IQCJ: variants seen among roughly 807,000 people sequenced by gnomAD.
IQCJ encodes IQ domain-containing protein J.
IQCJ carries 9 observed loss-of-function variants against 11.0 expected under a neutral mutation model. The observed-to-expected ratio is 0.82, with a 90% CI of 0.49 to 1.43. The LOEUF (loss-of-function observed/expected upper bound fraction) is 1.43, where lower values mean the gene tolerates loss of function less well. Ranked by LOEUF, IQCJ falls within the 40% of genes most tolerant of loss-of-function variation. The probability of loss-of-function intolerance (pLI) is 0.00; values close to 1 mark genes in which losing one functional copy is unlikely to be tolerated. For synonymous variants in IQCJ, 55 were observed against 51.3 expected, an observed-to-expected ratio of 1.07 and a Z score of -0.31; for missense variants, 146 against 133.2, an observed-to-expected ratio of 1.10 and a Z score of -0.47.
At chr3:159,092,733 A>G (rs1717415800) in intron 1 of IQCJ, among the ~76,000 whole-genome samples, 3 of 80,476 alleles carry the variant, frequency 3.7e-5, no homozygotes, top group South Asian at 9.0e-4. Flanking sequence ...CACACACACC[A>G]TTTAGAAACA....
chr3:159,217,083 A>C (rs890576697), intron 1 of IQCJ, among the ~76,000 whole-genome samples: 2 of 152,156 alleles, frequency 1.3e-5, no homozygotes, highest in Non-Finnish European at 2.9e-5. Flanking sequence ...AGTCAGTCTT[A>C]TCCCTGGCTG....
intron 1 of IQCJ, chr3:159,070,221 A>G (rs1483205910): frequency 6.5e-6 from 1 of 152,696 alleles, no homozygotes; most frequent in Non-Finnish European, 1.5e-5. Flanking sequence ...CTAGTAAAGC[A>G]GCGTGAGAGT....
At chr3:159,090,702 G>C (rs1366425411) in intron 1 of IQCJ, among the ~76,000 whole-genome samples, 1 of 151,810 alleles carries the variant, frequency 6.6e-6, no homozygotes, top group Non-Finnish European at 1.5e-5. Context: ...GCGTACAGCG[G>C]CCTCTCTTTC....
At chr3:159,177,157 T>C (rs1560014412) in intron 1 of IQCJ, among the ~76,000 whole-genome samples, 1 of 152,226 alleles carries the variant, frequency 6.6e-6, no homozygotes. Context: ...AAAGAATTAA[T>C]AGTTGAGCAA....
At chr3:159,186,064 A>T (rs1287086312) in intron 1 of IQCJ, among the ~76,000 whole-genome samples, 1 of 152,230 alleles carries the variant, frequency 6.6e-6, no homozygotes, top group Non-Finnish European at 1.5e-5. Context: ...CTGACAGGGC[A>T]GGGCGATAGG....
intron 1 of IQCJ, among the ~76,000 whole-genome samples, chr3:159,134,081 T>C (rs1720150890): frequency 6.6e-6 from 1 of 151,996 alleles, no homozygotes; most frequent in African/African-American, 2.4e-5. Context: ...CTTTGCTAGG[T>C]CACAGCTAGA....
At chr3:159,155,795 AAAAG>A (rs1721486452) in intron 1 of IQCJ, among the ~76,000 whole-genome samples, 1 of 152,218 alleles carries the variant, frequency 6.6e-6, no homozygotes, top group South Asian at 2.1e-4. Flanking sequence ...ATTCTAGAAA[AAAAG>A]GTAATATTTT....
At chr3:159,167,805 T>C (rs962400707) in intron 1 of IQCJ, among the ~76,000 whole-genome samples, 1 of 152,198 alleles carries the variant, frequency 6.6e-6, no homozygotes, top group Non-Finnish European at 1.5e-5. Context: ...TTTGTCTATA[T>C]CTAAGGTTGC....
chr3:159,186,928 C>T (rs1723403896), intron 1 of IQCJ, among the ~76,000 whole-genome samples: 1 of 152,096 alleles, frequency 6.6e-6, no homozygotes, highest in African/African-American at 2.4e-5. Context: ...AAACAAGCCT[C>T]GAGGTGAGGG....
intron 3 of IQCJ, among the ~76,000 whole-genome samples, chr3:159,253,934 G>C (rs1054792496): frequency 6.6e-6 from 1 of 152,184 alleles, no homozygotes; most frequent in Non-Finnish European, 1.5e-5. Flanking sequence ...CCAGTAAAAA[G>C]CTTGCCTCTG....
intron 1 of IQCJ, among the ~76,000 whole-genome samples, chr3:159,118,832 A>C (rs1275181740): frequency 6.6e-6 from 1 of 152,222 alleles, no homozygotes; most frequent in Non-Finnish European, 1.5e-5. Flanking sequence ...GTCTATGCCT[A>C]ATCTACAATA....
Position 159,263,643 on chromosome 3 carries a change from A to G in IQCJ, c.*912A>G. The G allele has an allele frequency of 1.0e-6, 1 of 985,412 alleles. No homozygotes were observed. The highest frequency in any genetic ancestry group is 1.2e-6 in the Non-Finnish European group (1 of 829,896). 61.0% of individuals were successfully genotyped at this position (985,412 alleles called of 1,614,324 possible). A position where few individuals can be genotyped will look rare whatever the true frequency, so the allele number is the denominator to read the frequency against. Reference sequence around the variant, plus strand: ...TGGTTATCATGTTTATTCTGTGGTAAAAAGGTTTCCCAACACTCAACGCAA... The same window carrying G: ...TGGTTATCATGTTTATTCTGTGGTAGAAAGGTTTCCCAACACTCAACGCAA... On this transcript the variant is annotated 3_prime_UTR_variant, in exon 4 of 4. Transcript: ENST00000397832.
rs551441479 is a variant in IQCJ at position 159,092,065 on chromosome 3, A to T, written c.9+22624A>T. Among the ~76,000 whole-genome samples the T allele has an allele frequency of 8.6e-5, 13 of 151,918 alleles. 1 individual carries two copies. The highest frequency in any genetic ancestry group is 3.2e-4 in the African/African-American group (13 of 41,208). ...ATGACTTAAATTGCCACAAGGGGGA[A>T]ATGTGCCTCTACAGTGGAAAGCTCT... On this transcript the variant is annotated intron_variant, in intron 1 of 3. Transcript: ENST00000397832.
chr3:159,251,338 A>AT (rs1727586579), intron 2 of IQCJ, among the ~76,000 whole-genome samples: 1 of 151,744 alleles, frequency 6.6e-6, no homozygotes, highest in East Asian at 1.9e-4. Flanking sequence ...TAGCTTTCTA[A>AT]CTAGTTTTAT....
downstream of IQCJ, chr3:159,265,108 G>C (rs1279094629): frequency 1.2e-6 from 1 of 865,954 alleles, no homozygotes; most frequent in Non-Finnish European, 1.8e-6. Context: ...CAAGTCTCTG[G>C]TTTGTCACTT....
At chr3:159,094,670 C>T (rs1190729743) in intron 1 of IQCJ, among the ~76,000 whole-genome samples, 3 of 151,416 alleles carry the variant, frequency 2.0e-5, no homozygotes, top group Admixed American at 6.6e-5. Context: ...CTTGTGAATC[C>T]CTTAGAATCC....
chr3:159,261,703 G>C (rs1728218131), intron 3 of IQCJ, among the ~76,000 whole-genome samples: 2 of 152,110 alleles, frequency 1.3e-5, no homozygotes, highest in African/African-American at 2.4e-5. Flanking sequence ...CATGAAAACG[G>C]ACTAATACAC....
At chr3:159,247,083 GA>G (rs1727318512) in intron 2 of IQCJ, among the ~76,000 whole-genome samples, 1 of 152,110 alleles carries the variant, frequency 6.6e-6, no homozygotes, top group African/African-American at 2.4e-5. Context: ...TATTTAATCA[GA>G]GTTCTTTATT....
At chr3:159,141,168 G>C (rs756818196) in intron 1 of IQCJ, among the ~76,000 whole-genome samples, 2 of 152,084 alleles carry the variant, frequency 1.3e-5, no homozygotes, top group African/African-American at 4.8e-5. Context: ...AAATTGTATT[G>C]GAGAGTGCAT....
Sources: gnomAD v4.1 joint callset for allele counts (sites outside exome capture counted in the v4.1 genomes callset) on GRCh38, gnomAD v4.1.1 for gene constraint, MANE v1.5 for transcripts, NCBI Gene and HGNC (gene_info 2026-07-23, HGNC 2026-07-21) for gene names.